Variants in TNFSF13B observed in about 807,000 individuals in gnomAD.
TNFSF13B encodes TNF superfamily member 13b.
A neutral mutation model predicts 29.1 loss-of-function variants in TNFSF13B; 8 were observed. The observed-to-expected ratio is 0.27, with a 90% CI of 0.16 to 0.50. TNFSF13B has a LOEUF of 0.50. Ranked by LOEUF, TNFSF13B falls within the 20% of genes least tolerant of loss-of-function variation. The pLI is 0.98. For synonymous variants in TNFSF13B, 125 were observed against 130.8 expected, an observed-to-expected ratio of 0.96 and a Z score of 0.30; for missense variants, 248 against 334.9, an observed-to-expected ratio of 0.74 and a Z score of 2.03.
At chr13:108,301,980 G>C (rs1392728399) in intron 3 of TNFSF13B, among the ~76,000 whole-genome samples, 1 of 152,116 alleles carries the variant, frequency 6.6e-6, no homozygotes, top group Non-Finnish European at 1.5e-5. Flanking sequence ...TGTTTGGTTT[G>C]CCTTGGAAAC....
rs879718707 is a variant in TNFSF13B at position 108,307,694 on chromosome 13, A to G, written c.*756A>G. ...AAACTTTTAATATCAGGTAATTTCA[A>G]TTTATGCCTATAAAGCATTGATTGA... On this transcript the variant is annotated 3_prime_UTR_variant, in exon 6 of 6. Coordinates refer to ENST00000375887, the MANE Select transcript of TNFSF13B (RefSeq NM_006573.5). 3.9e-5 allele frequency: 6 copies of G among 152,014 alleles called. No homozygotes were observed. The highest frequency in any genetic ancestry group is 7.2e-5 in the African/African-American group (3 of 41,416). The allele number at this position is 152,014 out of a possible 1,614,324, so 9.4% of individuals were successfully genotyped here. A position where few individuals can be genotyped will look rare whatever the true frequency, so the allele number is the denominator to read the frequency against.
At chr13:108,305,564 T>C (rs999144774) in intron 5 of TNFSF13B, among the ~76,000 whole-genome samples, 1 of 152,178 alleles carries the variant, frequency 6.6e-6, no homozygotes, top group East Asian at 1.9e-4. Flanking sequence ...CCAATCTCTA[T>C]GAAAATGACA....
At chr13:108,296,373 A>G (rs1458503692) in intron 3 of TNFSF13B, among the ~76,000 whole-genome samples, 1 of 145,644 alleles carries the variant, frequency 6.9e-6, no homozygotes, top group Non-Finnish European at 1.5e-5. Context: ...CTTAACATGT[A>G]TTTATTCTGA....
At chr13:108,290,084 A>T (rs190828835) in intron 3 of TNFSF13B, among the ~76,000 whole-genome samples, 1 of 152,198 alleles carries the variant, frequency 6.6e-6, no homozygotes, top group South Asian at 2.1e-4. Flanking sequence ...ATGCAAATGT[A>T]GCTCTGCTTC....
intron 3 of TNFSF13B, among the ~76,000 whole-genome samples, chr13:108,296,569 C>T (rs1881463515): frequency 6.9e-6 from 1 of 145,470 alleles, no homozygotes; most frequent in Non-Finnish European, 1.5e-5. Flanking sequence ...TTTTACCAAT[C>T]TCTGTATTTT....
chr13:108,305,788 A>T (rs1330351405), intron 5 of TNFSF13B, among the ~76,000 whole-genome samples: 2 of 152,158 alleles, frequency 1.3e-5, no homozygotes, highest in Non-Finnish European at 2.9e-5. Context: ...GTTTGTCTAG[A>T]AGGGTGGCTG....
rs538650891 is a variant in TNFSF13B, at chr13:108,303,181, C to A, written c.482-72C>A. 1.9e-5 allele frequency: 18 copies of A among 963,652 alleles called. No homozygotes were observed. In the South Asian group the frequency reaches 3.1e-4, roughly 17 times the overall value. The allele number at this position is 963,652 out of a possible 1,614,324, so 59.7% of individuals were successfully genotyped here. ...ATTATCTTCTAAGTTTCAGAGGTAG[C>A]TTAACAACTAAATGGAGGTGAAAAC... On this transcript the variant is annotated intron_variant, in intron 3 of 5. Coordinates refer to ENST00000375887, the MANE Select transcript of TNFSF13B (RefSeq NM_006573.5).
At position 108,308,233 on chromosome 13, in the gene TNFSF13B, C is replaced by G. The variant is rs1881834195; in HGVS notation, c.*1295C>G. On this transcript the variant is annotated 3_prime_UTR_variant, in exon 6 of 6. Coordinates refer to ENST00000375887, the MANE Select transcript of TNFSF13B (RefSeq NM_006573.5). ...CTTTTCAAGGATATACTTTTCAAAA[C>G]AAACGATTTAAATTTTATGTTTAAA... 1 of 152,060 alleles carries G rather than the reference C, an allele frequency of 6.6e-6. No individual in the cohort carries two copies. Among genetic ancestry groups the G allele is most frequent in the African/African-American group, 2.4e-5 (1 of 41,432 alleles). The allele number at this position is 152,060 out of a possible 1,614,324, so 9.4% of individuals were successfully genotyped here.
At chr13:108,293,270 TG>T (rs1312568706) in intron 3 of TNFSF13B, among the ~76,000 whole-genome samples, 19 of 152,178 alleles carry the variant, frequency 1.2e-4, no homozygotes, top group African/African-American at 3.9e-4. Context: ...AAATTTATTT[TG>T]TTTCTTTATA....
At chr13:108,303,122 TTTC>T in intron 3 of TNFSF13B, 128 bp from the exon 4 acceptor site, 2 of 719,490 alleles carry the variant, frequency 2.8e-6, no homozygotes, top group Non-Finnish European at 4.4e-6. Context: ...TTTCCTTTTT[TTTC>T]TTTCTTTCTT....
In TNFSF13B at chr13:108,270,162, G is replaced by A. The variant is rs768690885; in HGVS notation, c.267G>A (p.Glu89=). The change falls in exon 1 of 6, where the codon GAG becomes GAA. Residue 89 remains glutamate (E), a synonymous_variant. Coordinates refer to ENST00000375887, the MANE Select transcript of TNFSF13B (RefSeq NM_006573.5). Reference sequence around the variant, plus strand: ...CAGAGCTGCAGGGCCACCACGCGGAGAAGCTGCCAGCAGGAGCAGGAGCCC... The same window carrying A: ...CAGAGCTGCAGGGCCACCACGCGGAAAAGCTGCCAGCAGGAGCAGGAGCCC... ...LRAELQGHHA[E]KLPAGAGAPK... The A allele has an allele frequency of 1.9e-6, 3 of 1,602,002 alleles. No homozygotes were observed. The highest frequency in any genetic ancestry group is 2.5e-6 in the Non-Finnish European group (3 of 1,179,648).
intron 2 of TNFSF13B, among the ~76,000 whole-genome samples, chr13:108,277,571 G>A (rs1880796748): frequency 6.6e-6 from 1 of 152,008 alleles, no homozygotes; most frequent in Admixed American, 6.5e-5. Context: ...GAATCCACAG[G>A]GTAAAGTGAA....
At position 108,269,850 on chromosome 13, in the gene TNFSF13B, G is replaced by A; in HGVS notation, c.-46G>A. On this transcript the variant is annotated 5_prime_UTR_variant, in exon 1 of 6. An upstream open reading frame in the 5' UTR gains an earlier in-frame stop. Coordinates refer to ENST00000375887, the MANE Select transcript of TNFSF13B (RefSeq NM_006573.5). The stretch of plus-strand genomic sequence containing the variant: ...TAACAGGAAATGATCCATTCCCTGT[G>A]GTCACTTATTCTAAAGGCCCCAACC... 6.7e-7 allele frequency: 1 copy of A among 1,497,822 alleles called. No individual in the cohort carries two copies. Among genetic ancestry groups the A allele is most frequent in the Non-Finnish European group, 9.0e-7 (1 of 1,107,040 alleles). The allele number at this position is 1,497,822 out of a possible 1,614,324, so 92.8% of individuals were successfully genotyped here.
intron 2 of TNFSF13B, among the ~76,000 whole-genome samples, chr13:108,279,253 T>C (rs921321584): frequency 6.6e-6 from 1 of 152,224 alleles, no homozygotes; most frequent in Non-Finnish European, 1.5e-5. Flanking sequence ...TGAATGGTTG[T>C]CCTTAATATC....
rs1229501083 is a variant in TNFSF13B at position 108,295,732 on chromosome 13, T to C, written c.482-7521T>C. Among the ~76,000 whole-genome samples, 6 of 145,680 alleles carry C rather than the reference T, an allele frequency of 4.1e-5. 1 individual carries two copies. The highest frequency in any genetic ancestry group is 9.1e-5 in the Non-Finnish European group (6 of 65,586). On this transcript the variant is annotated intron_variant, in intron 3 of 5. Coordinates refer to ENST00000375887, the MANE Select transcript of TNFSF13B (RefSeq NM_006573.5). Reference sequence around the variant, plus strand: ...CCTATGAATATTGCTATGCTGTGTTTTTATTTTCAATCATCTCAAAGTATT... The same window carrying C: ...CCTATGAATATTGCTATGCTGTGTTCTTATTTTCAATCATCTCAAAGTATT...
rs767642520 is a variant in TNFSF13B at position 108,306,971 on chromosome 13, C to G, written c.*33C>G. The G allele has an allele frequency of 3.6e-6, 4 of 1,120,994 alleles. No individual in the cohort carries two copies. The Admixed American group carries it at 8.2e-5, about 23-fold the overall frequency. The allele number at this position is 1,120,994 out of a possible 1,614,324, so 69.4% of individuals were successfully genotyped here. ...ACACCATGTCTGTAGCTATTTTCCT[C>G]CCTTTCTCTGTACCTCTAAGAAGAA... is the stretch of plus-strand genomic sequence containing the variant. On this transcript the variant is annotated 3_prime_UTR_variant, in exon 6 of 6. Transcript: ENST00000375887.
intron 2 of TNFSF13B, among the ~76,000 whole-genome samples, chr13:108,281,687 T>C (rs1330527270): frequency 6.6e-6 from 1 of 152,210 alleles, no homozygotes; most frequent in Non-Finnish European, 1.5e-5. Flanking sequence ...TAGGCCAATA[T>C]GTACTTCTCG....
At position 108,292,816 on chromosome 13, in the gene TNFSF13B, G is replaced by T. The variant is rs549666531; in HGVS notation, c.481+5957G>T. Among the ~76,000 whole-genome samples, 3 of 152,124 alleles carry T rather than the reference G, an allele frequency of 2.0e-5. No individual in the cohort carries two copies. The South Asian group carries it at 6.2e-4, about 32-fold the overall frequency. ...TTGTAAAACTTCCTTATATATTATG[G>T]ATACAAGACCCTTATCAAATATCTG... On this transcript the variant is annotated intron_variant, in intron 3 of 5. Transcript: ENST00000375887.
rs927397211 is a variant in TNFSF13B, at chr13:108,269,845, C to T, written c.-51C>T. On this transcript the variant is annotated 5_prime_UTR_variant, in exon 1 of 6. Coordinates refer to ENST00000375887, the MANE Select transcript of TNFSF13B (RefSeq NM_006573.5). ...ACAGATAACAGGAAATGATCCATTC[C>T]CTGTGGTCACTTATTCTAAAGGCCC... is the stretch of plus-strand genomic sequence containing the variant. The T allele has an allele frequency of 2.0e-6, 3 of 1,484,324 alleles. No individual in the cohort carries two copies. The highest frequency in any genetic ancestry group is 2.5e-5 in the South Asian group (2 of 79,122). 91.9% of individuals were successfully genotyped at this position (1,484,324 alleles called of 1,614,324 possible).
Sources: allele counts gnomAD v4.1 joint callset (sites outside exome capture counted in the v4.1 genomes callset), GRCh38; gene constraint gnomAD v4.1.1; transcripts MANE v1.5; gene names NCBI Gene and HGNC (gene_info 2026-07-23, HGNC 2026-07-21).